The following BFAR variants were observed in gnomAD, a reference collection of about 807,000 sequenced individuals.
The protein encoded by BFAR is bifunctional apoptosis regulator, also known as RING finger protein 47.
A neutral mutation model predicts 54.4 loss-of-function variants in BFAR; 52 were observed. That is an observed-to-expected ratio of 0.96 (90% CI 0.77 to 1.21). BFAR has a LOEUF of 1.21. Ranked by LOEUF, BFAR falls within the 50% of genes most tolerant of loss-of-function variation. The pLI, the probability that BFAR is intolerant of heterozygous loss-of-function variation, is 0.00. For missense variants in BFAR, 571 were observed against 534.0 expected (o/e 1.07, Z -0.68); for synonymous variants, 215 against 204.3 (o/e 1.05, Z -0.45).
At chr16:14,649,737 AC>A in intron 3 of BFAR, 66 bp from the exon 4 acceptor site, 1 of 1,400,982 alleles carries the variant, frequency 7.1e-7, no homozygotes, top group Non-Finnish European at 9.8e-7. Context: ...CCCACCTCCC[AC>A]CCGCATATTT....
rs758077622 is a variant in BFAR at position 14,665,079 on chromosome 16, T to C, written c.1160+8T>C. 1 of 1,602,776 alleles carries C rather than the reference T, an allele frequency of 6.2e-7. No individual in the cohort carries two copies. The highest frequency in any genetic ancestry group is 1.3e-5 in the African/African-American group (1 of 74,690). On this transcript the variant is annotated splice_region_variant and intron_variant, in intron 7 of 7. Coordinates refer to ENST00000261658, the MANE Select transcript of BFAR (RefSeq NM_016561.3). ...GTCGAGAAGTGAACTGAAGTAAGTA[T>C]GTTTTAATGGTTGTCACAACAGGGG...
At chr16:14,667,026 C>G (rs1219025323) in intron 7 of BFAR, among the ~76,000 whole-genome samples, 2 of 152,014 alleles carry the variant, frequency 1.3e-5, no homozygotes, top group Non-Finnish European at 2.9e-5. Context: ...GGCAACGTGG[C>G]AAAACCTGTC....
intron 6 of BFAR, 88 bp downstream of exon 6, chr16:14,662,153 C>T: frequency 6.9e-7 from 1 of 1,452,018 alleles, no homozygotes. Flanking sequence ...CATGTTTCTT[C>T]AGTTTGACCC....
intron 4 of BFAR, among the ~76,000 whole-genome samples, chr16:14,653,497 T>C (rs1960033720): frequency 6.6e-6 from 1 of 152,004 alleles, no homozygotes. Context: ...CCGCCTAATT[T>C]GTATTTTTAG....
At chr16:14,642,973 C>T (rs377201517) in intron 1 of BFAR, among the ~76,000 whole-genome samples, 2 of 152,092 alleles carry the variant, frequency 1.3e-5, no homozygotes, top group African/African-American at 2.4e-5. Context: ...TTCAGGAGTT[C>T]GAGACCAGCC....
At chr16:14,636,918 G>A (rs760092869) in intron 1 of BFAR, among the ~76,000 whole-genome samples, 4 of 152,174 alleles carry the variant, frequency 2.6e-5, no homozygotes, top group South Asian at 4.1e-4. Context: ...TGTACCGCCC[G>A]TAATCCATTT....
At chr16:14,663,133 G>A (rs538137732) in intron 6 of BFAR, among the ~76,000 whole-genome samples, 1 of 152,368 alleles carries the variant, frequency 6.6e-6, no homozygotes, top group Non-Finnish European at 1.5e-5. Flanking sequence ...CTGTCTGCCT[G>A]TGGATTTCAT....
rs140203597 is a variant in BFAR at position 14,657,744 on chromosome 16, A to G, written c.783+2534A>G. 1.0e-3 allele frequency among the ~76,000 whole-genome samples: 152 copies of G among 149,654 alleles called. 1 individual carries two copies. The highest frequency in any genetic ancestry group is 3.4e-3 in the African/African-American group (139 of 40,460). The stretch of plus-strand genomic sequence containing the variant: ...TTTAGTAGAGGCGGAGTTTTGCCAT[A>G]TTGGCCAGGCTAGTCTTGAACTCCT... On this transcript the variant is annotated intron_variant, in intron 5 of 7. Transcript: ENST00000261658.
chr16:14,656,161 C>T (rs762789823), intron 5 of BFAR, among the ~76,000 whole-genome samples: 8 of 151,944 alleles, frequency 5.3e-5, no homozygotes, highest in Non-Finnish European at 7.4e-5. Context: ...GAGATCACAC[C>T]GCTGCATGGC....
intron 4 of BFAR, among the ~76,000 whole-genome samples, chr16:14,650,750 C>T (rs1959945149): frequency 6.6e-6 from 1 of 152,094 alleles, no homozygotes; most frequent in African/African-American, 2.4e-5. Flanking sequence ...GGTTGATGGA[C>T]ATTTGGGCTG....
chr16:14,661,010 G>A (rs944481979), intron 5 of BFAR, among the ~76,000 whole-genome samples: 3 of 152,222 alleles, frequency 2.0e-5, no homozygotes, highest in East Asian at 3.9e-4. Flanking sequence ...GATTACAGGC[G>A]TGAGCCACCA....
intron 3 of BFAR, among the ~76,000 whole-genome samples, 174 bp from the exon 4 acceptor site, chr16:14,649,630 C>G (rs1959906835): frequency 6.6e-6 from 1 of 152,092 alleles, no homozygotes; most frequent in African/African-American, 2.4e-5. Flanking sequence ...AGCTGTGGTC[C>G]CCAGTTCTCT....
intron 4 of BFAR, among the ~76,000 whole-genome samples, chr16:14,651,553 C>T (rs1959967795): frequency 6.6e-6 from 1 of 152,094 alleles, no homozygotes; most frequent in Admixed American, 6.6e-5. Context: ...ACAACCTCAA[C>T]TCAACTGCAA....
In BFAR at chr16:14,655,105, G is replaced by A. The variant is rs372322096; in HGVS notation, c.678G>A (p.Thr226=). 1.3e-5 allele frequency: 21 copies of A among 1,611,590 alleles called. No individual in the cohort carries two copies. The highest frequency in any genetic ancestry group is 4.4e-5 in the South Asian group (4 of 90,776). ...LTLTEEEFSK[T]PYTIENSSHR... ...TGACAGAGGAAGAATTTTCCAAGAC[G>A]CCCTATACCATAGAAAACAGCAGCC... The change falls in exon 5 of 8, where the codon ACG becomes ACA. Residue 226 remains threonine, a synonymous_variant. Coordinates refer to ENST00000261658, the MANE Select transcript of BFAR (RefSeq NM_016561.3).
intron 2 of BFAR, among the ~76,000 whole-genome samples, chr16:14,645,192 A>G (rs1307324585): frequency 5.3e-5 from 8 of 152,022 alleles, no homozygotes; most frequent in Non-Finnish European, 8.8e-5. Context: ...GTACATGCCT[A>G]TAGTCCCAGC....
At chr16:14,659,663 G>T (rs1053929038) in intron 5 of BFAR, among the ~76,000 whole-genome samples, 1 of 151,946 alleles carries the variant, frequency 6.6e-6, no homozygotes, top group South Asian at 2.1e-4. Context: ...CCATTCTCCT[G>T]CCTCAGCCTC....
In BFAR at chr16:14,649,857, G is replaced by A; in HGVS notation, c.522G>A (p.Leu174=). 6.2e-7 allele frequency: 1 copy of A among 1,612,760 alleles called. No homozygotes were observed. Among genetic ancestry groups the A allele is most frequent in the Non-Finnish European group, 8.5e-7 (1 of 1,179,330 alleles). Residue 174 remains leucine (L), a synonymous_variant, in exon 4 of 8, where the codon CTG becomes CTA. Coordinates refer to ENST00000261658, the MANE Select transcript of BFAR (RefSeq NM_016561.3). The stretch of plus-strand genomic sequence containing the variant: ...GCAGGGAATCTGAACACGACCTCCT[G>A]GTCCACAAGGCTGTGGCCAAATGGA... ...WSSRESEHDL[L]VHKAVAKWTA...
At chr16:14,634,111 A>C (rs535103570) in intron 1 of BFAR, among the ~76,000 whole-genome samples, 42 of 152,322 alleles carry the variant, frequency 2.8e-4, no homozygotes, top group Admixed American at 5.9e-4. Context: ...AACTGTCGCC[A>C]TTGGGTCCTC....
intron 1 of BFAR, among the ~76,000 whole-genome samples, chr16:14,635,068 C>G (rs533745003): frequency 6.6e-6 from 1 of 152,330 alleles, no homozygotes; most frequent in East Asian, 1.9e-4. Context: ...GGCACGGTGG[C>G]TCACTCCTGT....
Sources: allele counts gnomAD v4.1 joint callset (sites outside exome capture counted in the v4.1 genomes callset), GRCh38; gene constraint gnomAD v4.1.1; transcripts MANE v1.5; gene names NCBI Gene and HGNC (gene_info 2026-07-23, HGNC 2026-07-21).